Variants in MTHFSD observed in about 807,000 individuals in gnomAD.
MTHFSD encodes the protein methenyltetrahydrofolate synthase domain-containing protein.
A neutral mutation model predicts 31.1 loss-of-function variants in MTHFSD; 37 were observed. That is an observed-to-expected ratio of 1.19 (90% CI 0.91 to 1.56). The LOEUF is 1.56. Ranked by LOEUF, MTHFSD falls within the 40% of genes most tolerant of loss-of-function variation. The probability of loss-of-function intolerance (pLI) is 0.00; values close to 1 mark genes in which losing one functional copy is unlikely to be tolerated. For synonymous variants in MTHFSD, 221 were observed against 206.9 expected, an observed-to-expected ratio of 1.07 and a Z score of -0.59; for missense variants, 664 against 510.1, an observed-to-expected ratio of 1.30 and a Z score of -2.91.
chr16:86,541,316 T>C (rs1971479285), intron 7 of MTHFSD: 1 of 941,606 alleles, frequency 1.1e-6, no homozygotes, highest in Non-Finnish European at 1.4e-6. Flanking sequence ...AATCTGGATT[T>C]AAAAAGGGAA....
intron 7 of MTHFSD, chr16:86,535,175 C>A (rs894963230): frequency 7.7e-6 from 7 of 912,206 alleles, no homozygotes; most frequent in Admixed American, 6.4e-5. Context: ...AGCTAACTGG[C>A]GGCCAGGGCA....
chr16:86,552,733 C>CA (rs781463623), intron 2 of MTHFSD, among the ~76,000 whole-genome samples: 11 of 152,182 alleles, frequency 7.2e-5, no homozygotes, highest in East Asian at 1.9e-4. Context: ...ACAGTAACAA[C>CA]AAAAAACCAT....
intron 4 of MTHFSD, 148 bp downstream of exon 4, chr16:86,548,316 C>A: frequency 1.2e-6 from 1 of 840,002 alleles, no homozygotes; most frequent in South Asian, 1.6e-5. Context: ...CCATTAAGGA[C>A]AGAATTCTTG....
rs1969899451 is a variant in MTHFSD at position 86,530,506 on chromosome 16, G to A, written c.*1505C>T. Reference sequence around the variant, plus strand: ...CCGAAGTCCTTGCTCCTGTCTGCAGGGCTGTGCCCACTGCCGGTGGGGCAG... The same window carrying A: ...CCGAAGTCCTTGCTCCTGTCTGCAGAGCTGTGCCCACTGCCGGTGGGGCAG... On this transcript the variant is annotated 3_prime_UTR_variant, in exon 8 of 8. Transcript: ENST00000360900. 1 of 152,162 alleles carries A rather than the reference G, an allele frequency of 6.6e-6. No homozygotes were observed. Among genetic ancestry groups the A allele is most frequent in the Non-Finnish European group, 1.5e-5 (1 of 68,040 alleles). 9.4% of individuals were successfully genotyped at this position (152,162 alleles called of 1,614,324 possible).
At chr16:86,536,627 T>C (rs1212663960) in intron 7 of MTHFSD, among the ~76,000 whole-genome samples, 1 of 152,244 alleles carries the variant, frequency 6.6e-6, no homozygotes, top group South Asian at 2.1e-4. Context: ...TGGCTCAACC[T>C]GGGAGGGGTC....
intron 4 of MTHFSD, 106 bp downstream of exon 4, chr16:86,548,358 G>C (rs1336186930): frequency 1.9e-6 from 2 of 1,032,996 alleles, no homozygotes; most frequent in African/African-American, 1.6e-5. Context: ...TTTTGGCTCT[G>C]TTAAAAATGA....
chr16:86,544,798 A>G (rs1972039607), intron 5 of MTHFSD, among the ~76,000 whole-genome samples: 1 of 152,256 alleles, frequency 6.6e-6, no homozygotes, highest in African/African-American at 2.4e-5. Flanking sequence ...AATGACATGG[A>G]ATCAACCCAA....
chr16:86,541,905 G>C (rs1971583015), intron 6 of MTHFSD, 83 bp from the exon 7 acceptor site: 1 of 1,571,944 alleles, frequency 6.4e-7, no homozygotes, highest in Non-Finnish European at 8.7e-7. Context: ...GGGAACGTGA[G>C]GCTGGCTAGA....
chr16:86,547,967 A>G lies in MTHFSD; in HGVS notation c.351+497T>C, dbSNP rs1481947883. On this transcript the variant is annotated intron_variant, in intron 4 of 7. Coordinates refer to ENST00000360900, the MANE Select transcript of MTHFSD (RefSeq NM_001159377.2). ...ATGCACCCTAAAGTCATATTTGTAC[A>G]CTTGGTTTTACTAAATTGTGAGGCA... 1.7e-5 allele frequency: 19 copies of G among 1,123,574 alleles called. No homozygotes were observed. The East Asian group carries it at 1.0e-3, about 60-fold the overall frequency. The allele number at this position is 1,123,574 out of a possible 1,614,324, so 69.6% of individuals were successfully genotyped here.
chr16:86,535,608 T>A (rs1004743514), intron 7 of MTHFSD: 20 of 556,404 alleles, frequency 3.6e-5, no homozygotes, highest in African/African-American at 1.5e-4. Context: ...AAAAAAAAAA[T>A]AGAATAAACT....
At chr16:86,536,883 C>T (rs745577123) in intron 7 of MTHFSD, among the ~76,000 whole-genome samples, 2 of 152,228 alleles carry the variant, frequency 1.3e-5, no homozygotes, top group Non-Finnish European at 2.9e-5. Context: ...AGAGCAGCCG[C>T]GTGGTTCCCC....
intron 7 of MTHFSD, 194 bp from the exon 8 acceptor site, chr16:86,532,675 C>G (rs1970133446): frequency 7.4e-6 from 3 of 407,574 alleles, no homozygotes; most frequent in Non-Finnish European, 8.5e-6. Context: ...GTCTGTAGCT[C>G]TGCCCCTCGC....
At chr16:86,536,687 T>C (rs1249731394) in intron 7 of MTHFSD, among the ~76,000 whole-genome samples, 2 of 152,256 alleles carry the variant, frequency 1.3e-5, no homozygotes, top group Non-Finnish European at 2.9e-5. Flanking sequence ...TTTCCTGGTA[T>C]ACATGATCAC....
intron 4 of MTHFSD, chr16:86,547,443 T>C (rs1972486423): frequency 2.0e-6 from 2 of 986,148 alleles, no homozygotes; most frequent in Admixed American, 6.1e-5. Flanking sequence ...TATGGATCAG[T>C]GCATACGGGT....
rs768993293 is a variant in MTHFSD at position 86,532,189 on chromosome 16, GCT to G, written c.972_973del (p.Arg324SerfsTer113). 1.3e-6 allele frequency: 2 copies of G among 1,581,888 alleles called. No individual in the cohort carries two copies. Among genetic ancestry groups the G allele is most frequent in the African/African-American group, 1.4e-5 (1 of 73,810 alleles). On this transcript the variant is annotated frameshift_variant, in exon 8 of 8. Transcript: ENST00000360900. LOFTEE classifies it low-confidence loss of function (END_TRUNC). ...GGGCACGGAGCCGAGTTCCCGCAGG[GCT>G]CTCTTCAGGTCACTCACACGGGCGT...
chr16:86,532,819 G>T (rs1334020160), intron 7 of MTHFSD: 1 of 195,302 alleles, frequency 5.1e-6, no homozygotes, highest in African/African-American at 2.3e-5. Context: ...CTCTGCTCAG[G>T]CCTCCTACCC....
At chr16:86,533,723 A>G (rs1050796045) in intron 7 of MTHFSD, 4 of 152,152 alleles carry the variant, frequency 2.6e-5, no homozygotes, top group African/African-American at 7.2e-5. Flanking sequence ...TTTCTGTACA[A>G]TTTCCCAGGG....
chr16:86,540,642 G>C (rs1003313067), intron 7 of MTHFSD: 50 of 982,282 alleles, frequency 5.1e-5, no homozygotes, highest in Non-Finnish European at 5.8e-5. Context: ...CTTATGCTCT[G>C]TCTCGTGCAT....
Position 86,546,565 on chromosome 16 carries a change from C to T in MTHFSD, c.436G>A (p.Glu146Lys), listed in dbSNP as rs756031151. Reference sequence around the variant, plus strand: ...TCCCATCTGCTAGTCTTACCTTTTTCAGAAACGGCGACGGATCCCACCACA... The same window carrying T: ...TCCCATCTGCTAGTCTTACCTTTTTTAGAAACGGCGACGGATCCCACCACA... The part of the protein sequence containing the change: ...LVVVGSVAVS[E>K]KGWRIGKGEG... Residue 146 changes from glutamate (E) to lysine (K), a missense_variant, in exon 5 of 8, where the codon GAA becomes AAA. Transcript: ENST00000360900. 1.1e-5 allele frequency: 17 copies of T among 1,613,968 alleles called. No homozygotes were observed. Among genetic ancestry groups the T allele is most frequent in the Non-Finnish European group, 1.4e-5 (16 of 1,180,006 alleles).
Sources: allele counts gnomAD v4.1 joint callset (sites outside exome capture counted in the v4.1 genomes callset), GRCh38; gene constraint gnomAD v4.1.1; transcripts MANE v1.5; gene names NCBI Gene and HGNC (gene_info 2026-07-23, HGNC 2026-07-21).